Variants in DNAI3 observed in about 807,000 individuals in gnomAD.
The protein encoded by DNAI3 is WD repeat domain 63.
A neutral mutation model predicts 115.5 loss-of-function variants in DNAI3; 83 were observed. The ratio of observed to expected loss-of-function variants is 0.72; its 90% CI spans 0.60 to 0.86. The LOEUF is 0.86. Ranked by LOEUF, DNAI3 falls within the 40% of genes least tolerant of loss-of-function variation. DNAI3 has a pLI of 0.00. For synonymous variants in DNAI3, 320 were observed against 347.0 expected, an observed-to-expected ratio of 0.92 and a Z score of 0.86; for missense variants, 1,004 against 1,075.8, an observed-to-expected ratio of 0.93 and a Z score of 0.93.
At chr1:85,099,389 G>C in intron 13 of DNAI3, 1 of 575,964 alleles carries the variant, frequency 1.7e-6, no homozygotes, top group Non-Finnish European at 2.2e-6. Flanking sequence ...GCTTCAAAGA[G>C]AATAAAATAC....
intron 10 of DNAI3, among the ~76,000 whole-genome samples, chr1:85,095,470 C>G (rs1655095906): frequency 6.6e-6 from 1 of 152,190 alleles, no homozygotes; most frequent in Non-Finnish European, 1.5e-5. Context: ...AACAGAGCCA[C>G]TCTCTCACTA....
chr1:85,124,565 G>A (rs1393286867), intron 19 of DNAI3, among the ~76,000 whole-genome samples: 3 of 152,118 alleles, frequency 2.0e-5, no homozygotes, highest in Non-Finnish European at 4.4e-5. Context: ...AGGTCTCACT[G>A]TGTGGTCCAG....
At chr1:85,089,822 G>A (rs1281247660) in intron 7 of DNAI3, among the ~76,000 whole-genome samples, 6 of 152,090 alleles carry the variant, frequency 3.9e-5, no homozygotes. Flanking sequence ...GGTGAAGGGT[G>A]TGTGGGAATT....
At chr1:85,072,150 A>C in intron 2 of DNAI3, 145 bp downstream of exon 2, 1 of 766,106 alleles carries the variant, frequency 1.3e-6, no homozygotes, top group Admixed American at 3.3e-5. Context: ...AGATATATGG[A>C]GATTCATTCT....
At chr1:85,087,341 C>G (rs963473545) in intron 7 of DNAI3, among the ~76,000 whole-genome samples, 1 of 139,966 alleles carries the variant, frequency 7.1e-6, no homozygotes, top group African/African-American at 2.7e-5. Context: ...GAGGCTGAGA[C>G]AGGAGAATTG....
chr1:85,074,862 C>T (rs751745234), intron 3 of DNAI3, among the ~76,000 whole-genome samples: 2 of 152,074 alleles, frequency 1.3e-5, no homozygotes, highest in African/African-American at 4.8e-5. Context: ...TTCCTTAACA[C>T]TGAACTCATG....
At chr1:85,066,861 A>G (rs1654115522) in intron 1 of DNAI3, among the ~76,000 whole-genome samples, 1 of 152,234 alleles carries the variant, frequency 6.6e-6, no homozygotes, top group African/African-American at 2.4e-5. Flanking sequence ...TGAAAGTAAT[A>G]TCTTTGTTGG....
rs1439469249 is a variant in DNAI3 at position 85,124,264 on chromosome 1, C to T, written c.2112+13C>T. The T allele has an allele frequency of 6.2e-7, 1 of 1,613,808 alleles. No individual in the cohort carries two copies. The highest frequency in any genetic ancestry group is 1.3e-5 in the African/African-American group (1 of 74,834). The stretch of plus-strand genomic sequence containing the variant: ...AGAAGGTGTTATGGTAAGTTGCCTG[C>T]AAAATGGAAGCATGAGTGTGTGATC... On this transcript the variant is annotated intron_variant, in intron 19 of 22. Coordinates refer to ENST00000294664, the MANE Select transcript of DNAI3 (RefSeq NM_145172.5).
chr1:85,087,953 A>T (rs1654847764), intron 7 of DNAI3, among the ~76,000 whole-genome samples: 1 of 152,180 alleles, frequency 6.6e-6, no homozygotes, highest in South Asian at 2.1e-4. Context: ...AGTTGGGCCA[A>T]GAAATGAGTC....
In DNAI3 at chr1:85,117,727, A is replaced by G. The variant is rs1301891677; in HGVS notation, c.1787-2A>G. Reference sequence around the variant, plus strand: ...CTTCTTCTACCCACACTCCTCTGAAAGACAAAATGTTAGCACAGAGCAAAA... The same window carrying G: ...CTTCTTCTACCCACACTCCTCTGAAGGACAAAATGTTAGCACAGAGCAAAA... On this transcript the variant is annotated splice_acceptor_variant, in intron 16 of 22. Transcript: ENST00000294664. LOFTEE classifies it high-confidence loss of function. 2.7e-5 allele frequency: 44 copies of G among 1,612,954 alleles called. No homozygotes were observed. The highest frequency in any genetic ancestry group is 3.4e-5 in the Non-Finnish European group (40 of 1,179,254).
intron 2 of DNAI3, among the ~76,000 whole-genome samples, chr1:85,072,640 T>TA (rs1654312620): frequency 8.7e-6 from 1 of 115,406 alleles, no homozygotes; most frequent in Non-Finnish European, 1.7e-5. Flanking sequence ...AGACTCCATC[T>TA]CAAAAAAAAA....
chr1:85,113,376 T>C (rs1217379591), intron 16 of DNAI3, among the ~76,000 whole-genome samples: 1 of 152,214 alleles, frequency 6.6e-6, no homozygotes, highest in Middle Eastern at 3.2e-3. Context: ...ATGATTTCTT[T>C]TGAGTTAATT....
At chr1:85,064,208 G>A (rs961445530) in intron 1 of DNAI3, among the ~76,000 whole-genome samples, 3 of 152,188 alleles carry the variant, frequency 2.0e-5, no homozygotes, top group Non-Finnish European at 2.9e-5. Context: ...CAGGGTTGGA[G>A]CTCCAGTTTT....
rs762617785 is a variant in DNAI3 at position 85,085,920 on chromosome 1, T to C, written c.630T>C (p.Tyr210=). 27 of 1,614,076 alleles carry C rather than the reference T, an allele frequency of 1.7e-5. No individual in the cohort carries two copies. Among genetic ancestry groups the C allele is most frequent in the Non-Finnish European group, 2.2e-5 (26 of 1,180,030 alleles). Residue 210 remains tyrosine (Y), a synonymous_variant, in exon 7 of 23, where the codon TAT becomes TAC. Coordinates refer to ENST00000294664, the MANE Select transcript of DNAI3 (RefSeq NM_145172.5). ...DQNASSVKDA[Y]IECTAYPDKN... ...ATGCTTCCAGTGTAAAAGATGCCTA[T>C]ATTGAATGTACAGCCTACCCAGATA...
intron 1 of DNAI3, among the ~76,000 whole-genome samples, chr1:85,068,122 TCTAA>T (rs1224285223): frequency 1.6e-5 from 2 of 121,408 alleles, no homozygotes; most frequent in East Asian, 4.2e-4. Context: ...GAGTTATTAA[TCTAA>T]CTTTTTTTTT....
At chr1:85,129,962 C>T (rs1020770) in intron 21 of DNAI3, 28 bp from the exon 22 acceptor site, 1,115,011 of 1,592,624 alleles carry the variant, frequency 0.7, 395,109 homozygotes, top group South Asian at 0.83. Flanking sequence ...CTGCCTGTCA[C>T]CCTCTCATGG....
intron 13 of DNAI3, among the ~76,000 whole-genome samples, chr1:85,103,171 G>A (rs1169461280): frequency 6.6e-6 from 1 of 152,040 alleles, no homozygotes; most frequent in East Asian, 1.9e-4. Flanking sequence ...TTATTATTTT[G>A]CTCATCAGTT....
rs573644422 is a variant in DNAI3, at chr1:85,098,438, A to T, written c.1351-92A>T. 2.4e-5 allele frequency: 35 copies of T among 1,468,262 alleles called. No individual in the cohort carries two copies. In the South Asian group the frequency reaches 4.5e-4, roughly 19 times the overall value. 91.0% of individuals were successfully genotyped at this position (1,468,262 alleles called of 1,614,324 possible). A position where few individuals can be genotyped will look rare whatever the true frequency, so the allele number is the denominator to read the frequency against. On this transcript the variant is annotated intron_variant, in intron 12 of 22. Transcript: ENST00000294664. ...TTTCCTTGAACTGGTATATCTCTAA[A>T]TTGTTCATTTTAATTGAGATGATGA...
chr1:85,095,998 C>G lies in DNAI3; in HGVS notation c.1241C>G (p.Ala414Gly). The G allele has an allele frequency of 1.2e-6, 2 of 1,613,794 alleles. No individual in the cohort carries two copies. Among genetic ancestry groups the G allele is most frequent in the Non-Finnish European group, 1.7e-6 (2 of 1,179,802 alleles). Reference protein sequence around the residue: ...KFCPSDPNIIAGGCINGQIVM... With the variant: ...KFCPSDPNIIGGGCINGQIVM... ...TGTCCGAGTGATCCTAATATCATTG[C>G]TGGAGGCTGTATCAATGGGCAGGTA... Residue 414 changes from alanine to glycine, a missense_variant, in exon 11 of 23, where the codon GCT becomes GGT. Around this residue, in one of 3 missense-constraint regions of DNAI3, gnomAD observed 550 missense variants for 568.1 expected, o/e 0.97. Transcript: ENST00000294664.
Sources: allele counts gnomAD v4.1 joint callset (sites outside exome capture counted in the v4.1 genomes callset), GRCh38; gene constraint gnomAD v4.1.1; regional missense constraint gnomAD v4.1.1; transcripts MANE v1.5; gene names NCBI Gene and HGNC (gene_info 2026-07-23, HGNC 2026-07-21).